CDA: variants seen among roughly 807,000 people sequenced by gnomAD.
The protein encoded by CDA is cytidine deaminase.
In CDA, 7 loss-of-function variants were observed where a neutral mutation model predicts 15.0. The observed-to-expected ratio is 0.47, with a 90% CI of 0.26 to 0.87. CDA has a LOEUF of 0.87. CDA is among the 40% of genes least tolerant of loss of function. CDA has a pLI of 0.15. For synonymous variants in CDA, 58 were observed against 73.0 expected, an observed-to-expected ratio of 0.79 and a Z score of 1.05; for missense variants, 159 against 182.7, an observed-to-expected ratio of 0.87 and a Z score of 0.75.
chr1:20,589,351 G>A, intron 1 of CDA, 68 bp downstream of exon 1: 1 of 1,488,328 alleles, frequency 6.7e-7, no homozygotes, highest in South Asian at 1.1e-5. Context: ...AAGATGTACA[G>A]GAAGAGGCGC....
rs558787089 is a variant in CDA at position 20,614,839 on chromosome 1, C to T, written c.324+940C>T. ...CATGGAACGAAGGGTACATTTTATT[C>T]CAAGAATAAAGGAAACTGAAGTGTA... On this transcript the variant is annotated intron_variant, in intron 3 of 3. Transcript: ENST00000375071. Among the ~76,000 whole-genome samples, 4 of 152,092 alleles carry T rather than the reference C, an allele frequency of 2.6e-5. No homozygotes were observed. In the South Asian group the frequency reaches 6.2e-4, roughly 24 times the overall value.
intron 1 of CDA, among the ~76,000 whole-genome samples, chr1:20,598,018 A>G (rs945804265): frequency 2.6e-5 from 4 of 152,116 alleles, no homozygotes; most frequent in Non-Finnish European, 5.9e-5. Flanking sequence ...CACTCTTTCA[A>G]TAATGGTTAG....
At chr1:20,609,009 G>C (rs918166642) in intron 2 of CDA, among the ~76,000 whole-genome samples, 5 of 152,170 alleles carry the variant, frequency 3.3e-5, no homozygotes, top group Non-Finnish European at 5.9e-5. Context: ...CTGTTAATGC[G>C]CTGTCTCTAC....
intron 2 of CDA, among the ~76,000 whole-genome samples, chr1:20,608,449 G>T (rs868011716): frequency 6.7e-6 from 1 of 150,290 alleles, no homozygotes; most frequent in Non-Finnish European, 1.5e-5. Flanking sequence ...TCTCTGTGCC[G>T]CCCAGGCTGG....
At chr1:20,589,672 T>A (rs1282265942) in intron 1 of CDA, among the ~76,000 whole-genome samples, 1 of 152,134 alleles carries the variant, frequency 6.6e-6, no homozygotes, top group Non-Finnish European at 1.5e-5. Flanking sequence ...CCCACTGACC[T>A]AAGTGTTAAT....
intron 2 of CDA, among the ~76,000 whole-genome samples, chr1:20,610,607 G>A (rs2052741033): frequency 1.3e-5 from 2 of 152,042 alleles, no homozygotes; most frequent in South Asian, 4.2e-4. Flanking sequence ...AATAACAATT[G>A]TTGTTAAGAT....
intron 2 of CDA, among the ~76,000 whole-genome samples, chr1:20,610,670 CTG>C (rs1166071798): frequency 1.3e-5 from 2 of 152,120 alleles, no homozygotes; most frequent in East Asian, 1.9e-4. Flanking sequence ...TATAATAAAA[CTG>C]TGTATGATAA....
intron 2 of CDA, among the ~76,000 whole-genome samples, chr1:20,608,700 G>A (rs2052718568): frequency 6.6e-6 from 1 of 152,168 alleles, no homozygotes; most frequent in South Asian, 2.1e-4. Context: ...ATGAGCAACC[G>A]CATTCAGCCT....
chr1:20,590,224 A>G (rs1043457605), intron 1 of CDA, among the ~76,000 whole-genome samples: 1 of 152,136 alleles, frequency 6.6e-6, no homozygotes, highest in African/African-American at 2.4e-5. Flanking sequence ...AAGGAAGGTG[A>G]TTAATGCTAT....
chr1:20,601,098 A>G (rs375201471), intron 1 of CDA, among the ~76,000 whole-genome samples: 1 of 152,230 alleles, frequency 6.6e-6, no homozygotes, highest in Non-Finnish European at 1.5e-5. Context: ...AACCGTGGGA[A>G]GACCTGGAGT....
rs2052527560 is a variant in CDA at position 20,589,306 on chromosome 1, C to G, written c.154+23C>G. On this transcript the variant is annotated intron_variant, in intron 1 of 3. Transcript: ENST00000375071. ...AAGGTAAAGGTGGGCACCCCAGGGT[C>G]CCCCAGCCCAGCAGCCTGGGTGGTG... The G allele has an allele frequency of 1.5e-5, 24 of 1,610,222 alleles. No individual in the cohort carries two copies. The East Asian group carries it at 2.9e-4, about 19-fold the overall frequency.
Sources: allele counts gnomAD v4.1 joint callset (sites outside exome capture counted in the v4.1 genomes callset), GRCh38; gene constraint gnomAD v4.1.1; transcripts MANE v1.5; gene names NCBI Gene and HGNC (gene_info 2026-07-23, HGNC 2026-07-21).